The following PTAFR variants were observed in gnomAD, a reference collection of about 807,000 sequenced individuals.
PTAFR encodes the protein platelet-activating factor receptor.
In PTAFR, 8 loss-of-function variants were observed where a neutral mutation model predicts 14.7. The observed-to-expected ratio is 0.54, with a 90% CI of 0.32 to 0.98. The LOEUF is 0.98. Ranked by LOEUF, PTAFR falls within the 50% of genes least tolerant of loss-of-function variation. The pLI is 0.04. For missense variants in PTAFR, 337 were observed against 451.2 expected (o/e 0.75, Z 2.29); for synonymous variants, 156 against 176.5 (o/e 0.88, Z 0.92).
At position 28,155,676 on chromosome 1, in the gene PTAFR, T is replaced by G. The variant is rs151110496; in HGVS notation, c.-38-4617A>C. Among the ~76,000 whole-genome samples, 1,159 of 150,512 alleles carry G rather than the reference T, an allele frequency of 7.7e-3. 20 individuals are homozygous for G. The highest frequency in any genetic ancestry group is 0.027 in the African/African-American group (1,102 of 41,030). On this transcript the variant is annotated intron_variant, in intron 1 of 1. Coordinates refer to ENST00000373857, the MANE Select transcript of PTAFR (RefSeq NM_000952.5). ...GCCCAGGGGTTTGAGACCAGCCTGGTCAACATGGCAAAATCCCCTCTCTAC... is the reference window on the plus strand; with the variant it reads ...GCCCAGGGGTTTGAGACCAGCCTGGGCAACATGGCAAAATCCCCTCTCTAC...
At chr1:28,172,979 G>A (rs955554151) in intron 1 of PTAFR, among the ~76,000 whole-genome samples, 1 of 151,926 alleles carries the variant, frequency 6.6e-6, no homozygotes, top group Non-Finnish European at 1.5e-5. Context: ...AACTGTGAAA[G>A]GTAGTGCAGG....
upstream of PTAFR, chr1:28,176,978 C>G (rs567995397): frequency 6.6e-6 from 1 of 152,148 alleles, no homozygotes; most frequent in African/African-American, 2.4e-5. Context: ...GATGAGGGAC[C>G]AGGAAAATCA....
chr1:28,175,069 A>T (rs947866022), intron 1 of PTAFR, among the ~76,000 whole-genome samples: 1 of 151,984 alleles, frequency 6.6e-6, no homozygotes, highest in African/African-American at 2.4e-5. Context: ...ACCCGCCACC[A>T]CGCCCAGCTA....
intron 1 of PTAFR, among the ~76,000 whole-genome samples, chr1:28,166,966 G>C (rs1192384160): frequency 6.6e-6 from 1 of 152,128 alleles, no homozygotes; most frequent in East Asian, 1.9e-4. Flanking sequence ...AACAGAGGGA[G>C]ACTCTGTCTC....
Position 28,156,363 on chromosome 1 carries a change from A to G in PTAFR, c.-38-5304T>C, listed in dbSNP as rs561509802. 2.6e-5 allele frequency among the ~76,000 whole-genome samples: 4 copies of G among 152,352 alleles called. No individual in the cohort carries two copies. The South Asian group carries it at 8.3e-4, about 32-fold the overall frequency. On this transcript the variant is annotated intron_variant, in intron 1 of 1. Coordinates refer to ENST00000373857, the MANE Select transcript of PTAFR (RefSeq NM_000952.5). ...GTGTGAAGGCAGATTTTCTTCAACC[A>G]AAACAACATATCACAGCAGCCTAAG...
chr1:28,151,111 T>C (rs1646182001), intron 1 of PTAFR, 52 bp from the exon 2 acceptor site: 1 of 1,024,598 alleles, frequency 9.8e-7, no homozygotes, highest in African/African-American at 1.6e-5. Context: ...AAGGGACTGT[T>C]CCATTTCATC....
chr1:28,165,097 CATACTT>C (rs1646367760), intron 1 of PTAFR, among the ~76,000 whole-genome samples: 1 of 152,060 alleles, frequency 6.6e-6, no homozygotes, highest in Non-Finnish European at 1.5e-5. Flanking sequence ...AAAAAAATAA[CATACTT>C]AGAAATAAAC....
At chr1:28,166,922 A>G (rs1646392119) in intron 1 of PTAFR, among the ~76,000 whole-genome samples, 1 of 152,120 alleles carries the variant, frequency 6.6e-6, no homozygotes, top group African/African-American at 2.4e-5. Context: ...GGCTGAAGTG[A>G]GCTATGATCA....
At chr1:28,169,191 T>C (rs1247239076) in intron 1 of PTAFR, among the ~76,000 whole-genome samples, 3 of 151,806 alleles carry the variant, frequency 2.0e-5, no homozygotes, top group Non-Finnish European at 4.4e-5. Context: ...AGCCCAGGAG[T>C]TTGAGACCAG....
chr1:28,161,979 A>G (rs1252142473), intron 1 of PTAFR, among the ~76,000 whole-genome samples: 1 of 152,218 alleles, frequency 6.6e-6, no homozygotes, highest in Non-Finnish European at 1.5e-5. Context: ...TCATGTTCTG[A>G]AGTAGGAACA....
intron 1 of PTAFR, among the ~76,000 whole-genome samples, chr1:28,185,478 T>C (rs955191950): frequency 6.6e-6 from 1 of 152,172 alleles, no homozygotes; most frequent in Non-Finnish European, 1.5e-5. Context: ...GCTTTTCTCA[T>C]CAGCAAATGG....
chr1:28,164,106 G>A (rs1646356072), intron 1 of PTAFR, among the ~76,000 whole-genome samples: 1 of 152,198 alleles, frequency 6.6e-6, no homozygotes, highest in Non-Finnish European at 1.5e-5. Context: ...ACCTGGAGAA[G>A]GGGTTCTCAT....
intron 1 of PTAFR, among the ~76,000 whole-genome samples, chr1:28,169,941 A>C (rs528241812): frequency 6.6e-6 from 1 of 151,762 alleles, no homozygotes; most frequent in South Asian, 2.1e-4. Flanking sequence ...CAGAGATTGC[A>C]GTGAGCCAAG....
In PTAFR at chr1:28,150,276, T is replaced by C; in HGVS notation, c.746A>G (p.His249Arg). Reference sequence around the variant, plus strand: ...AAGGGTCCAGGGCAGCTGCACCACGTGGTGGGGCACGAAGCAGATGATGAA... The same window carrying C: ...AAGGGTCCAGGGCAGCTGCACCACGCGGTGGGGCACGAAGCAGATGATGAA... ...AVFIICFVPH[H>R]VVQLPWTLAE... Residue 249 changes from histidine to arginine, a missense_variant, in exon 2 of 2, where the codon CAC (histidine) becomes CGC (arginine). By Grantham distance (29) the His-to-Arg change is conservative. Coordinates refer to ENST00000373857, the MANE Select transcript of PTAFR (RefSeq NM_000952.5). The surrounding 1 kb of genome is among the most constrained non-coding windows in gnomAD (Gnocchi z 6.3). 1 of 1,612,218 alleles carries C rather than the reference T, an allele frequency of 6.2e-7. No homozygotes were observed. Among genetic ancestry groups the C allele is most frequent in the Non-Finnish European group, 8.5e-7 (1 of 1,178,548 alleles).
chr1:28,173,674 G>A (rs929206009), intron 1 of PTAFR, among the ~76,000 whole-genome samples: 3 of 150,950 alleles, frequency 2.0e-5, no homozygotes, highest in South Asian at 2.1e-4. Flanking sequence ...AAAGAGGAGG[G>A]GGGGCGGGGT....
chr1:28,183,421 G>T (rs1326474051), intron 1 of PTAFR, among the ~76,000 whole-genome samples: 1 of 152,092 alleles, frequency 6.6e-6, no homozygotes, highest in Non-Finnish European at 1.5e-5. Flanking sequence ...TATAAGTAAG[G>T]CTGGGCACAG....
chr1:28,174,109 C>T (rs1257454657), intron 1 of PTAFR, among the ~76,000 whole-genome samples: 1 of 152,140 alleles, frequency 6.6e-6, no homozygotes, highest in Non-Finnish European at 1.5e-5. Context: ...GAGGCTTCTC[C>T]CCGCTCTCAT....
chr1:28,160,284 A>T (rs569949068), intron 1 of PTAFR, among the ~76,000 whole-genome samples: 19 of 152,080 alleles, frequency 1.2e-4, no homozygotes, highest in Middle Eastern at 3.4e-3. Flanking sequence ...AGATGGTATT[A>T]AAAAAATGTT....
chr1:28,190,932 T>C (rs543927932), intron 1 of PTAFR, among the ~76,000 whole-genome samples: 31 of 152,300 alleles, frequency 2.0e-4, no homozygotes, highest in Non-Finnish European at 4.1e-4. Flanking sequence ...TCCCTGAGCC[T>C]CAGAGTCTTC....
Sources: gnomAD v4.1 joint callset for allele counts (sites outside exome capture counted in the v4.1 genomes callset) on GRCh38, gnomAD v4.1.1 for gene constraint, Gnocchi (gnomAD v3.1) non-coding constraint, MANE v1.5 for transcripts, NCBI Gene and HGNC (gene_info 2026-07-23, HGNC 2026-07-21) for gene names.